Variants in EIF4E2 observed in about 807,000 individuals in gnomAD.
The protein encoded by EIF4E2 is eukaryotic translation initiation factor 4E type 2.
A neutral mutation model predicts 34.2 loss-of-function variants in EIF4E2; 13 were observed. That is an observed-to-expected ratio of 0.38 (90% CI 0.25 to 0.60). The LOEUF is 0.60. EIF4E2 is among the 20% of genes least tolerant of loss of function. The pLI, the probability that EIF4E2 is intolerant of heterozygous loss-of-function variation, is 0.62. For missense variants in EIF4E2, 222 were observed against 315.1 expected, an observed-to-expected ratio of 0.70 and a Z score of 2.24; for synonymous variants, 100 against 106.6, an observed-to-expected ratio of 0.94 and a Z score of 0.38.
intron 6 of EIF4E2, among the ~76,000 whole-genome samples, chr2:232,579,123 TACACACACACACACACAC>T (rs71056276): frequency 0.088 from 12,880 of 146,614 alleles, 1,915 homozygotes; most frequent in African/African-American, 0.3. Flanking sequence ...AACTCAGAAA[TACACACACACACACACAC>T]ACACACACAC....
Position 232,566,962 on chromosome 2 carries a change from T to C in EIF4E2, c.509T>C (p.Val170Ala). ...GTTGGGGAGGAGATCTGTGGGGCTG[T>C]GGTGTCTGTCCGCTTTCAGGTAAGC... ...FMVGEEICGA[V>A]VSVRFQEDII... Residue 170 changes from valine (V) to alanine (A), a missense_variant, in exon 5 of 7, where the codon GTG becomes GCG. Val to Ala is a moderately conservative substitution (Grantham distance 64). Around this residue, in one of 3 missense-constraint regions of EIF4E2, gnomAD observed 105 missense variants for 195.1 expected, o/e 0.54. Coordinates refer to ENST00000258416, the MANE Select transcript of EIF4E2 (RefSeq NM_004846.4). This position sits in a 1 kb window ranked among gnomAD's most constrained non-coding sequence, Gnocchi z 4.9. The C allele has an allele frequency of 6.3e-7, 1 of 1,599,310 alleles. No individual in the cohort carries two copies. Among genetic ancestry groups the C allele is most frequent in the Non-Finnish European group, 8.5e-7 (1 of 1,172,388 alleles).
chr2:232,552,024 C>T (rs1469876465), intron 1 of EIF4E2, among the ~76,000 whole-genome samples: 2 of 152,130 alleles, frequency 1.3e-5, no homozygotes, highest in Admixed American at 6.5e-5. Flanking sequence ...GCTCCAGATC[C>T]AAATCCTGCC....
intron 1 of EIF4E2, 171 bp downstream of exon 1, chr2:232,550,915 G>A: frequency 1.4e-6 from 1 of 702,134 alleles, no homozygotes; most frequent in Non-Finnish European, 2.3e-6. Flanking sequence ...GGGAGCAATG[G>A]ATACCGGAGT....
rs764241412 is a variant in EIF4E2, at chr2:232,556,447, C to G, written c.52C>G (p.Gln18Glu). Residue 18 changes from glutamine to glutamate, a missense_variant, in exon 2 of 7, where the codon CAG (glutamine) becomes GAG (glutamate). Physicochemically the swap from Gln to Glu is conservative, Grantham distance 29 (BLOSUM62 2). Around this residue, in one of 3 missense-constraint regions of EIF4E2, gnomAD observed 87 missense variants for 93.6 expected, o/e 0.93. Coordinates refer to ENST00000258416, the MANE Select transcript of EIF4E2 (RefSeq NM_004846.4). ...AGATGATGACAGTGGGGACCATGAT[C>G]AGAATGAAGAAAACAGCACACAGAA... ...LKDDDSGDHD[Q>E]NEENSTQKDG... 1 of 1,613,768 alleles carries G rather than the reference C, an allele frequency of 6.2e-7. No individual in the cohort carries two copies. The highest frequency in any genetic ancestry group is 1.3e-5 in the African/African-American group (1 of 74,998).
chr2:232,569,221 T>C (rs1253878642), downstream of EIF4E2: 16 of 1,408,052 alleles, frequency 1.1e-5, no homozygotes, highest in Admixed American at 2.9e-5. Flanking sequence ...GCTTGTCTCA[T>C]GCTCTTGCTC....
chr2:232,571,497 A>C (rs2106252701), downstream of EIF4E2, among the ~76,000 whole-genome samples: 1 of 151,598 alleles, frequency 6.6e-6, no homozygotes, highest in South Asian at 2.1e-4. Context: ...TTGTGAAGAA[A>C]CTCCTCTTTG....
At chr2:232,560,601 C>A (rs901755381) in intron 3 of EIF4E2, among the ~76,000 whole-genome samples, 1 of 151,506 alleles carries the variant, frequency 6.6e-6, no homozygotes, top group Non-Finnish European at 1.5e-5. Flanking sequence ...CATAGTGAGA[C>A]CCCATCTGTA....
In EIF4E2 at chr2:232,581,208, T is replaced by A; in HGVS notation, c.*265T>A. 1.7e-6 allele frequency: 1 copy of A among 575,900 alleles called. No individual in the cohort carries two copies. The highest frequency in any genetic ancestry group is 3.3e-6 in the Non-Finnish European group (1 of 306,934). 35.7% of individuals were successfully genotyped at this position (575,900 alleles called of 1,614,324 possible). A position where few individuals can be genotyped will look rare whatever the true frequency, so the allele number is the denominator to read the frequency against. Reference sequence around the variant, plus strand: ...GTTCCATGGGGGGGCGTTCAGCCTTTCTGTTTGCTGTGTGCTGTCCAGATG... The same window carrying A: ...GTTCCATGGGGGGGCGTTCAGCCTTACTGTTTGCTGTGTGCTGTCCAGATG... On this transcript the variant is annotated 3_prime_UTR_variant, in exon 7 of 7. Transcript: ENST00000409098. The surrounding 1 kb of genome is among the most constrained non-coding windows in gnomAD (Gnocchi z 5.2).
chr2:232,556,623 T>G, intron 2 of EIF4E2, 93 bp downstream of exon 2: 1 of 879,678 alleles, frequency 1.1e-6, no homozygotes, highest in South Asian at 1.5e-5. Flanking sequence ...CAGATTAACT[T>G]GATGGCATCC....
intron 3 of EIF4E2, among the ~76,000 whole-genome samples, chr2:232,563,095 G>A (rs1692779793): frequency 6.6e-6 from 1 of 152,216 alleles, no homozygotes; most frequent in African/African-American, 2.4e-5. Context: ...CAGCTCCACA[G>A]TTGTGGTATC....
intron 6 of EIF4E2, among the ~76,000 whole-genome samples, chr2:232,577,505 C>A (rs1389643545): frequency 2.0e-5 from 3 of 152,194 alleles, no homozygotes; most frequent in Admixed American, 2.0e-4. Context: ...AGGAGTTAAT[C>A]TCTGCCGTAG....
intron 6 of EIF4E2, among the ~76,000 whole-genome samples, chr2:232,578,883 A>G (rs997855385): frequency 2.0e-5 from 3 of 152,074 alleles, no homozygotes; most frequent in South Asian, 4.1e-4. Context: ...CTCTGCTCCT[A>G]CCTTCCCATA....
downstream of EIF4E2, among the ~76,000 whole-genome samples, chr2:232,570,946 A>G (rs1256704116): frequency 6.6e-6 from 1 of 152,212 alleles, no homozygotes; most frequent in Non-Finnish European, 1.5e-5. Context: ...TCAAAAAACA[A>G]AGAATTCCAA....
At chr2:232,573,119 G>A (rs559133822), downstream of EIF4E2, among the ~76,000 whole-genome samples, 23 of 152,356 alleles carry the variant, frequency 1.5e-4, no homozygotes, top group Middle Eastern at 3.4e-3. Flanking sequence ...TGTGGACACT[G>A]AGTTTGGGAA....
intron 6 of EIF4E2, among the ~76,000 whole-genome samples, chr2:232,575,199 A>G (rs1174184854): frequency 2.0e-5 from 3 of 151,682 alleles, no homozygotes; most frequent in Admixed American, 6.5e-5. Flanking sequence ...CCCCTTCCCT[A>G]GAAGGAGACG....
chr2:232,567,309 T>TA, intron 6 of EIF4E2, 95 bp downstream of exon 6: 1 of 1,569,080 alleles, frequency 6.4e-7, no homozygotes, highest in East Asian at 2.3e-5. Flanking sequence ...ACAGGAGACT[T>TA]ACTTGTGGAG....
exon 7 of EIF4E2, chr2:232,582,090 G>A (rs1693372178): frequency 1.3e-5 from 2 of 152,622 alleles, no homozygotes; most frequent in Non-Finnish European, 2.9e-5. Context: ...CATCAGAGAA[G>A]CTGGGTGATC....
At chr2:232,563,789 A>G (rs750736556) in intron 3 of EIF4E2, among the ~76,000 whole-genome samples, 33 of 152,242 alleles carry the variant, frequency 2.2e-4, no homozygotes, top group Non-Finnish European at 4.0e-4. Flanking sequence ...TATATTTGCC[A>G]GTTAAACAAT....
rs947933390 is a variant in EIF4E2, at chr2:232,566,019, G to A, written c.376-810G>A. ...AGACAGGAGAATCGCTTGAACCCAA[G>A]AGGCAGAAGTGGCAGTGAGCCGATA... On this transcript the variant is annotated intron_variant, in intron 4 of 6. Transcript: ENST00000258416. The surrounding 1 kb of genome is among the most constrained non-coding windows in gnomAD (Gnocchi z 4.9). Among the ~76,000 whole-genome samples the A allele has an allele frequency of 6.6e-6, 1 of 151,600 alleles. No homozygotes were observed. The highest frequency in any genetic ancestry group is 6.6e-5 in the Admixed American group (1 of 15,230).
Sources: gnomAD v4.1 joint callset for allele counts (sites outside exome capture counted in the v4.1 genomes callset) on GRCh38, gnomAD v4.1.1 for gene constraint, gnomAD v4.1.1 regional missense constraint, Gnocchi (gnomAD v3.1) non-coding constraint, MANE v1.5 for transcripts, NCBI Gene and HGNC (gene_info 2026-07-23, HGNC 2026-07-21) for gene names.